Variants in MYO5B observed in about 807,000 individuals in gnomAD.
MYO5B encodes the protein unconventional myosin-Vb.
A neutral mutation model predicts 229.3 loss-of-function variants in MYO5B; 143 were observed. The ratio of observed to expected loss-of-function variants is 0.62; its 90% CI spans 0.54 to 0.72. The LOEUF is 0.72. Ranked by LOEUF, MYO5B falls within the 30% of genes least tolerant of loss-of-function variation. The probability of loss-of-function intolerance (pLI) is 0.00; values close to 1 mark genes in which losing one functional copy is unlikely to be tolerated. For synonymous variants in MYO5B, 918 were observed against 885.2 expected, an observed-to-expected ratio of 1.04 and a Z score of -0.66; for missense variants, 2,321 against 2,331.0, an observed-to-expected ratio of 1.00 and a Z score of 0.09.
Position 49,935,764 on chromosome 18 carries a change from G to C in MYO5B, c.2003+488C>G, listed in dbSNP as rs142809637. Among the ~76,000 whole-genome samples, 78 of 152,334 alleles carry C rather than the reference G, an allele frequency of 5.1e-4. No homozygotes were observed. In the East Asian group the frequency reaches 0.015, roughly 29 times the overall value. Reference sequence around the variant, plus strand: ...TAGAAACAAAAGTTGGATCAGAGTAGGTTGAGGAGTGAGGAAAAGGGGAGC... The same window carrying C: ...TAGAAACAAAAGTTGGATCAGAGTACGTTGAGGAGTGAGGAAAAGGGGAGC... On this transcript the variant is annotated intron_variant, in intron 16 of 39. Coordinates refer to ENST00000285039, the MANE Select transcript of MYO5B (RefSeq NM_001080467.3).
chr18:50,130,480 C>T (rs756904759), intron 1 of MYO5B, among the ~76,000 whole-genome samples: 16 of 152,118 alleles, frequency 1.1e-4, no homozygotes, highest in Non-Finnish European at 1.9e-4. Context: ...TACACACATG[C>T]GGTTCATTTC....
At chr18:49,907,613 A>G (rs2024913845) in intron 18 of MYO5B, among the ~76,000 whole-genome samples, 1 of 152,260 alleles carries the variant, frequency 6.6e-6, no homozygotes, top group Non-Finnish European at 1.5e-5. Flanking sequence ...GTCCAAGGAA[A>G]ATACACACAC....
chr18:50,193,838 C>T (rs931569721), intron 1 of MYO5B, among the ~76,000 whole-genome samples: 5 of 152,238 alleles, frequency 3.3e-5, no homozygotes, highest in African/African-American at 1.2e-4. Context: ...TCGAGGGGTC[C>T]CGGGCGGCTG....
intron 1 of MYO5B, among the ~76,000 whole-genome samples, chr18:50,172,778 T>A (rs1482176460): frequency 1.3e-5 from 2 of 152,032 alleles, no homozygotes; most frequent in Non-Finnish European, 2.9e-5. Context: ...GAGCCAGCTA[T>A]GAGAGGAGAA....
chr18:50,008,668 G>T (rs1333031086), intron 4 of MYO5B, among the ~76,000 whole-genome samples: 1 of 152,132 alleles, frequency 6.6e-6, no homozygotes, highest in Admixed American at 6.6e-5. Context: ...ACACACTATG[G>T]TTGCAAAACA....
At chr18:49,966,350 G>A (rs1439496705) in intron 10 of MYO5B, among the ~76,000 whole-genome samples, 1 of 152,154 alleles carries the variant, frequency 6.6e-6, no homozygotes, top group Non-Finnish European at 1.5e-5. Context: ...GTGTATGCTG[G>A]GATGAAGGAG....
intron 14 of MYO5B, among the ~76,000 whole-genome samples, chr18:49,937,760 T>C (rs1321082395): frequency 6.6e-6 from 1 of 152,008 alleles, no homozygotes; most frequent in African/African-American, 2.4e-5. Context: ...TGTGATTCCA[T>C]TTACATGAAA....
In MYO5B at chr18:49,875,768, T is replaced by C. The variant is rs1029341246; in HGVS notation, c.3456A>G (p.Arg1152=). The C allele has an allele frequency of 1.9e-6, 3 of 1,614,158 alleles. No homozygotes were observed. In the African/African-American group the frequency reaches 4.0e-5, roughly 22 times the overall value. ...DMTVFLKLQK[R]VRELEQERKK... is the part of the protein sequence containing the mutation. ...TCCTCTCCTGCTCCAGCTCCCGTACTCTCTTCTGCAGCTTCAGGAAGACCG... is the reference window on the plus strand; with the variant it reads ...TCCTCTCCTGCTCCAGCTCCCGTACCCTCTTCTGCAGCTTCAGGAAGACCG... Residue 1152 remains arginine (R), a synonymous_variant, in exon 26 of 40, where the codon AGA becomes AGG. Transcript: ENST00000285039.
At chr18:49,898,200 G>A (rs879443859) in intron 21 of MYO5B, among the ~76,000 whole-genome samples, 5 of 152,006 alleles carry the variant, frequency 3.3e-5, no homozygotes, top group Non-Finnish European at 5.9e-5. Flanking sequence ...TTCTCATAAG[G>A]TACCCCTGTC....
chr18:50,011,220 T>C (rs1391386775), intron 4 of MYO5B, among the ~76,000 whole-genome samples: 1 of 152,142 alleles, frequency 6.6e-6, no homozygotes, highest in Non-Finnish European at 1.5e-5. Context: ...CGGGTGCCTG[T>C]AGTCCCAGCT....
At chr18:50,047,570 T>C (rs1172361986) in intron 2 of MYO5B, among the ~76,000 whole-genome samples, 4 of 152,300 alleles carry the variant, frequency 2.6e-5, no homozygotes, top group South Asian at 4.1e-4. Context: ...TACCACTTGA[T>C]ACAGCCATCC....
At chr18:50,002,687 C>T (rs2026061347) in intron 4 of MYO5B, among the ~76,000 whole-genome samples, 1 of 152,240 alleles carries the variant, frequency 6.6e-6, no homozygotes, top group African/African-American at 2.4e-5. Flanking sequence ...AGAGGGCAGG[C>T]ACTCTGCTTT....
At chr18:50,048,536 G>C (rs2666930) in intron 2 of MYO5B, among the ~76,000 whole-genome samples, 1 of 152,156 alleles carries the variant, frequency 6.6e-6, no homozygotes, top group South Asian at 2.1e-4. Flanking sequence ...CTGTGGGTTC[G>C]TCTCTCCTTC....
intron 20 of MYO5B, 119 bp downstream of exon 20, chr18:49,904,553 G>T: frequency 1.6e-6 from 2 of 1,247,656 alleles, no homozygotes; most frequent in South Asian, 1.2e-5. Context: ...GAGCAGAGAT[G>T]TGAAAGCATT....
chr18:49,914,546 G>A (rs2024991274), intron 17 of MYO5B, among the ~76,000 whole-genome samples: 2 of 152,104 alleles, frequency 1.3e-5, no homozygotes, highest in Non-Finnish European at 2.9e-5. Context: ...TTGGGAGACT[G>A]AGGCGGGTGG....
At chr18:50,068,710 G>A (rs919234899) in intron 1 of MYO5B, among the ~76,000 whole-genome samples, 1 of 152,188 alleles carries the variant, frequency 6.6e-6, no homozygotes, top group African/African-American at 2.4e-5. Context: ...GTGTGGCTCT[G>A]GTCAATAAGT....
intron 1 of MYO5B, among the ~76,000 whole-genome samples, chr18:50,092,385 G>A (rs1485939640): frequency 1.3e-5 from 2 of 152,138 alleles, no homozygotes; most frequent in Non-Finnish European, 2.9e-5. Flanking sequence ...AAAGGTTGAG[G>A]GACAGGCCCA....
chr18:49,916,113 A>G (rs2025011399), intron 17 of MYO5B, among the ~76,000 whole-genome samples: 1 of 152,250 alleles, frequency 6.6e-6, no homozygotes, highest in Admixed American at 6.5e-5. Flanking sequence ...ATTATACACC[A>G]TGGTTATTTG....
At chr18:50,011,963 T>C (rs2026165500) in intron 4 of MYO5B, among the ~76,000 whole-genome samples, 1 of 151,524 alleles carries the variant, frequency 6.6e-6, no homozygotes, top group Admixed American at 6.6e-5. Flanking sequence ...GTGTAAAGAG[T>C]GGGACAGCAT....
Sources: allele counts gnomAD v4.1 joint callset (sites outside exome capture counted in the v4.1 genomes callset), GRCh38; gene constraint gnomAD v4.1.1; transcripts MANE v1.5; gene names NCBI Gene and HGNC (gene_info 2026-07-23, HGNC 2026-07-21).